ROBO1: variants seen among roughly 807,000 people sequenced by gnomAD.
ROBO1 encodes roundabout guidance receptor 1, also known as roundabout homolog 1.
ROBO1 carries 149 observed loss-of-function variants against 195.9 expected under a neutral mutation model. The observed-to-expected ratio is 0.76, with a 90% CI of 0.67 to 0.87. The LOEUF is 0.87. ROBO1 is among the 40% of genes least tolerant of loss of function. The probability of loss-of-function intolerance (pLI) is 0.00; values close to 1 mark genes in which losing one functional copy is unlikely to be tolerated. For synonymous variants in ROBO1, 816 were observed against 733.2 expected, an observed-to-expected ratio of 1.11 and a Z score of -1.82; for missense variants, 1,933 against 2,068.3, an observed-to-expected ratio of 0.93 and a Z score of 1.27.
At chr3:79,377,233 T>C (rs2036417401) in intron 2 of ROBO1, among the ~76,000 whole-genome samples, 1 of 152,232 alleles carries the variant, frequency 6.6e-6, no homozygotes, top group Non-Finnish European at 1.5e-5. Context: ...CAAGCCATAT[T>C]TAAAGATGTT....
chr3:78,600,566 C>T (rs956849487), intron 29 of ROBO1, among the ~76,000 whole-genome samples: 1 of 152,066 alleles, frequency 6.6e-6, no homozygotes, highest in Non-Finnish European at 1.5e-5. Context: ...CTCAAACTCA[C>T]TACAGACCAA....
intron 1 of ROBO1, among the ~76,000 whole-genome samples, chr3:79,674,827 CGTGTGTGTGT>C (rs151094387): frequency 1.6e-5 from 1 of 61,920 alleles, no homozygotes; most frequent in Non-Finnish European, 3.2e-5. Context: ...TATTTATATC[CGTGTGTGTGT>C]GTGTGTGTGT....
At chr3:79,763,029 G>A (rs963189303) in intron 1 of ROBO1, among the ~76,000 whole-genome samples, 2 of 152,220 alleles carry the variant, frequency 1.3e-5, no homozygotes, top group African/African-American at 4.8e-5. Context: ...AGATAAGCAA[G>A]TGTGGCAGGG....
chr3:79,011,755 C>A (rs1177009355), intron 3 of ROBO1, among the ~76,000 whole-genome samples: 3 of 151,030 alleles, frequency 2.0e-5, no homozygotes, highest in Non-Finnish European at 4.4e-5. Context: ...CTAACATGAT[C>A]CAAAGACTTT....
At chr3:78,983,301 C>CT (rs1251696331) in intron 3 of ROBO1, among the ~76,000 whole-genome samples, 1 of 152,224 alleles carries the variant, frequency 6.6e-6, no homozygotes, top group Non-Finnish European at 1.5e-5. Flanking sequence ...ACACTCCCTT[C>CT]TTTTCACCTT....
At chr3:79,176,771 A>G (rs551466427) in intron 2 of ROBO1, among the ~76,000 whole-genome samples, 1 of 152,308 alleles carries the variant, frequency 6.6e-6, no homozygotes, top group African/African-American at 2.4e-5. Flanking sequence ...GAAGATTATT[A>G]TTTTAACCAG....
chr3:78,684,800 C>T (rs1412526092), intron 10 of ROBO1, among the ~76,000 whole-genome samples: 1 of 152,090 alleles, frequency 6.6e-6, no homozygotes, highest in Non-Finnish European at 1.5e-5. Flanking sequence ...TTATTTGAGT[C>T]ATTATCAGAC....
chr3:78,856,256 T>C (rs1409333670), intron 4 of ROBO1, among the ~76,000 whole-genome samples: 1 of 133,494 alleles, frequency 7.5e-6, no homozygotes, highest in Non-Finnish European at 1.6e-5. Context: ...ACTTGAGAGG[T>C]ACATTTAACC....
chr3:79,486,748 A>AT (rs1219262467), intron 2 of ROBO1, among the ~76,000 whole-genome samples: 1 of 152,168 alleles, frequency 6.6e-6, no homozygotes, highest in Non-Finnish European at 1.5e-5. Flanking sequence ...AAAATATGCC[A>AT]TTTTGGCAAA....
At chr3:78,985,853 A>G (rs2077094215) in intron 3 of ROBO1, among the ~76,000 whole-genome samples, 1 of 152,172 alleles carries the variant, frequency 6.6e-6, no homozygotes. Flanking sequence ...ACATGTTGCT[A>G]AAGTATCATG....
chr3:78,975,671 T>C (rs1156587760), intron 3 of ROBO1, among the ~76,000 whole-genome samples: 2 of 152,148 alleles, frequency 1.3e-5, no homozygotes, highest in Non-Finnish European at 2.9e-5. Context: ...AGCTAAAGTT[T>C]TTAGATCACA....
At chr3:78,936,667 G>A (rs922799741) in intron 4 of ROBO1, among the ~76,000 whole-genome samples, 2 of 151,956 alleles carry the variant, frequency 1.3e-5, no homozygotes, top group African/African-American at 4.8e-5. Context: ...AAGTATATGG[G>A]GGAGGGTGTG....
intron 4 of ROBO1, among the ~76,000 whole-genome samples, chr3:78,876,618 CAT>C (rs1189131014): frequency 6.6e-6 from 1 of 152,112 alleles, no homozygotes; most frequent in African/African-American, 2.4e-5. Context: ...GAAAATTCCA[CAT>C]TTAAACCAAA....
At chr3:78,824,107 T>C (rs2031334405) in intron 4 of ROBO1, among the ~76,000 whole-genome samples, 1 of 152,218 alleles carries the variant, frequency 6.6e-6, no homozygotes, top group Non-Finnish European at 1.5e-5. Context: ...TCCTTATTCC[T>C]ATAGCAGTGC....
intron 2 of ROBO1, among the ~76,000 whole-genome samples, chr3:79,405,612 A>G (rs566310689): frequency 4.2e-4 from 64 of 152,260 alleles, no homozygotes; most frequent in African/African-American, 1.5e-3. Context: ...TTTGGTATTG[A>G]CCCCATTATC....
At chr3:78,994,225 C>T (rs1320904207) in intron 3 of ROBO1, among the ~76,000 whole-genome samples, 1 of 152,138 alleles carries the variant, frequency 6.6e-6, no homozygotes, top group Non-Finnish European at 1.5e-5. Context: ...AAACTCCATT[C>T]CTCGACTGAT....
chr3:79,560,077 A>T (rs969631029), intron 2 of ROBO1, among the ~76,000 whole-genome samples: 10 of 152,008 alleles, frequency 6.6e-5, no homozygotes, highest in African/African-American at 1.9e-4. Flanking sequence ...TCTTTTTATG[A>T]TTTTATTAAC....
At chr3:78,860,837 T>TTCTA (rs929840592) in intron 4 of ROBO1, among the ~76,000 whole-genome samples, 7 of 152,148 alleles carry the variant, frequency 4.6e-5, no homozygotes, top group Non-Finnish European at 1.0e-4. Context: ...TCACCCGAAA[T>TTCTA]TCTATCTTCA....
intron 4 of ROBO1, among the ~76,000 whole-genome samples, chr3:78,812,960 T>G (rs2084787608): frequency 6.6e-6 from 1 of 152,072 alleles, no homozygotes; most frequent in African/African-American, 2.4e-5. Context: ...TACTTGAACT[T>G]CTAAAAGCAT....
Sources: gnomAD v4.1 joint callset for allele counts (sites outside exome capture counted in the v4.1 genomes callset) on GRCh38, gnomAD v4.1.1 for gene constraint, MANE v1.5 for transcripts, NCBI Gene and HGNC (gene_info 2026-07-23, HGNC 2026-07-21) for gene names.